The following HLCS variants were observed in gnomAD, a reference collection of about 807,000 sequenced individuals.
HLCS encodes holocarboxylase synthetase, also known as biotin--protein ligase.
HLCS carries 53 observed loss-of-function variants against 75.0 expected under a neutral mutation model. That is an observed-to-expected ratio of 0.71 (90% CI 0.57 to 0.89). HLCS has a LOEUF of 0.89. Ranked by LOEUF, HLCS falls within the 40% of genes least tolerant of loss-of-function variation. The pLI, the probability that HLCS is intolerant of heterozygous loss-of-function variation, is 0.00. For synonymous variants in HLCS, 431 were observed against 428.6 expected (o/e 1.01, Z -0.07); for missense variants, 966 against 1,074.0 (o/e 0.90, Z 1.41).
At chr21:36,933,712 T>C (rs776109670) in intron 4 of HLCS, among the ~76,000 whole-genome samples, 5 of 152,112 alleles carry the variant, frequency 3.3e-5, no homozygotes, top group Non-Finnish European at 5.9e-5. Flanking sequence ...TCCCGGAGAT[T>C]AACCCTTACA....
chr21:36,839,420 A>G (rs1352875054), intron 6 of HLCS, among the ~76,000 whole-genome samples: 1 of 152,184 alleles, frequency 6.6e-6, no homozygotes, highest in African/African-American at 2.4e-5. Context: ...ACCACTCACT[A>G]TTTTTGCAAG....
intron 6 of HLCS, among the ~76,000 whole-genome samples, chr21:36,861,996 T>C (rs1185990907): frequency 2.6e-5 from 4 of 152,202 alleles, no homozygotes; most frequent in Non-Finnish European, 5.9e-5. Flanking sequence ...ACTATCCCCA[T>C]GGATTTGCCT....
At chr21:36,980,482 T>C (rs1181832886) in intron 1 of HLCS, 2 of 152,020 alleles carry the variant, frequency 1.3e-5, no homozygotes, top group Non-Finnish European at 2.9e-5. Flanking sequence ...TAACTCCCCC[T>C]GGGGAATAAA....
intron 5 of HLCS, among the ~76,000 whole-genome samples, chr21:36,924,732 C>T (rs1243200098): frequency 6.6e-6 from 1 of 152,164 alleles, no homozygotes; most frequent in Non-Finnish European, 1.5e-5. Flanking sequence ...AACTAGAACG[C>T]ATGCCACAAA....
At chr21:36,898,052 G>A (rs538308129) in intron 5 of HLCS, among the ~76,000 whole-genome samples, 13 of 152,290 alleles carry the variant, frequency 8.5e-5, no homozygotes, top group African/African-American at 3.1e-4. Flanking sequence ...CATCAGAGAT[G>A]AAACTTAATT....
intron 6 of HLCS, among the ~76,000 whole-genome samples, chr21:36,868,684 T>C (rs745965262): frequency 6.6e-6 from 1 of 151,732 alleles, no homozygotes; most frequent in Non-Finnish European, 1.5e-5. Context: ...CATGAGAACA[T>C]TGTCTGGCAC....
intron 6 of HLCS, among the ~76,000 whole-genome samples, chr21:36,864,292 T>C (rs6517388): frequency 0.29 from 43,538 of 151,466 alleles, 7,389 homozygotes; most frequent in African/African-American, 0.48. Context: ...TCCAGCTACT[T>C]GGGAGGCTGA....
intron 6 of HLCS, among the ~76,000 whole-genome samples, chr21:36,806,753 CAAAT>C (rs2061372934): frequency 6.6e-6 from 1 of 152,190 alleles, no homozygotes; most frequent in African/African-American, 2.4e-5. Flanking sequence ...TGCTGTGTAA[CAAAT>C]GAACGCAAAA....
At chr21:36,819,106 A>T (rs1487463882) in intron 6 of HLCS, among the ~76,000 whole-genome samples, 2 of 152,204 alleles carry the variant, frequency 1.3e-5, no homozygotes, top group African/African-American at 4.8e-5. Flanking sequence ...ATGAAAACAC[A>T]AAGACAGAAG....
chr21:36,858,980 T>G (rs1190298027), intron 6 of HLCS, among the ~76,000 whole-genome samples: 1 of 152,184 alleles, frequency 6.6e-6, no homozygotes, highest in Non-Finnish European at 1.5e-5. Context: ...GCTACACCTC[T>G]TCTGAGGCCC....
In HLCS at chr21:36,966,510, C is replaced by T. The variant is rs915165545; in HGVS notation, c.129G>A (p.Ala43=). 2.7e-5 allele frequency: 27 copies of T among 982,468 alleles called. 1 individual carries two copies. The highest frequency in any genetic ancestry group is 5.1e-4 in the Middle Eastern group (1 of 1,966). 60.9% of individuals were successfully genotyped at this position (982,468 alleles called of 1,614,324 possible). ...RCSFTFCGAA[A]QPPGARVCLS... is the part of the protein sequence containing the mutation. The stretch of plus-strand genomic sequence containing the variant: ...GGCACACGCGGGCGCCCGGGGGCTG[C>T]GCGGCCGCGCCGCAGAAGGTGAAGG... The change falls in exon 1 of 11, where the codon GCG becomes GCA. Residue 43 remains alanine, a synonymous_variant. Coordinates refer to ENST00000674895, the MANE Select transcript of HLCS (RefSeq NM_001352514.2).
chr21:36,874,568 G>A (rs1661846335), intron 6 of HLCS, among the ~76,000 whole-genome samples: 1 of 152,198 alleles, frequency 6.6e-6, no homozygotes, highest in African/African-American at 2.4e-5. Context: ...AAGTTAAGTA[G>A]TATGACTTCT....
Position 36,767,361 on chromosome 21 carries a change from C to G in HLCS, c.1893-76G>C, listed in dbSNP as rs894660258. Reference sequence around the variant, plus strand: ...GCACCAATGGCTCACACAGGAGGGACAGGGTTTGCATGCATCTGGGGGTGT... The same window carrying G: ...GCACCAATGGCTCACACAGGAGGGAGAGGGTTTGCATGCATCTGGGGGTGT... On this transcript the variant is annotated intron_variant, in intron 6 of 10. Coordinates refer to ENST00000674895, the MANE Select transcript of HLCS (RefSeq NM_001352514.2). The G allele has an allele frequency of 6.3e-6, 9 of 1,423,672 alleles. No homozygotes were observed. In the East Asian group the frequency reaches 9.1e-5, roughly 14 times the overall value. The allele number at this position is 1,423,672 out of a possible 1,614,324, so 88.2% of individuals were successfully genotyped here.
chr21:36,982,975 A>C (rs1226075991), intron 1 of HLCS, among the ~76,000 whole-genome samples: 1 of 151,390 alleles, frequency 6.6e-6, no homozygotes, highest in Non-Finnish European at 1.5e-5. Context: ...CGGAGGTTGC[A>C]GTGAGCCGAG....
chr21:36,909,691 C>G (rs917108924), intron 5 of HLCS, among the ~76,000 whole-genome samples: 2 of 152,200 alleles, frequency 1.3e-5, no homozygotes. Flanking sequence ...CTCCTGGGCT[C>G]AAGCAATCCT....
At chr21:36,776,943 AT>A (rs1249028906) in intron 6 of HLCS, among the ~76,000 whole-genome samples, 2 of 152,064 alleles carry the variant, frequency 1.3e-5, no homozygotes, top group East Asian at 1.9e-4. Context: ...AGGCTTTTTT[AT>A]TTTTTTTAGA....
chr21:36,819,633 CT>C (rs573188569), intron 6 of HLCS, among the ~76,000 whole-genome samples: 39 of 152,246 alleles, frequency 2.6e-4, no homozygotes, highest in African/African-American at 9.1e-4. Flanking sequence ...CACACTATCT[CT>C]AATCCTCACA....
chr21:36,926,394 AAT>A (rs1294966515), intron 5 of HLCS, among the ~76,000 whole-genome samples: 1 of 152,192 alleles, frequency 6.6e-6, no homozygotes. Flanking sequence ...CTTTCTAAAT[AAT>A]ATGTCAAATA....
chr21:36,910,304 G>C (rs994608190), intron 5 of HLCS, among the ~76,000 whole-genome samples: 1 of 152,178 alleles, frequency 6.6e-6, no homozygotes, highest in African/African-American at 2.4e-5. Context: ...CGGCACTTTG[G>C]GAGGCTGAGG....
Sources: gnomAD v4.1 joint callset for allele counts (sites outside exome capture counted in the v4.1 genomes callset) on GRCh38, gnomAD v4.1.1 for gene constraint, MANE v1.5 for transcripts, NCBI Gene and HGNC (gene_info 2026-07-23, HGNC 2026-07-21) for gene names.